The following ROR2 variants were observed in gnomAD, a reference collection of about 807,000 sequenced individuals.
ROR2 encodes tyrosine-protein kinase transmembrane receptor ROR2.
In ROR2, 33 loss-of-function variants were observed where a neutral mutation model predicts 74.9. The ratio of observed to expected loss-of-function variants is 0.44; its 90% CI spans 0.33 to 0.59. The LOEUF (loss-of-function observed/expected upper bound fraction) is 0.59, where lower values mean the gene tolerates loss of function less well. Among genes scored for constraint, ROR2 ranks in the 20% least tolerant of loss-of-function variants. ROR2 has a pLI of 0.02. For missense variants in ROR2, 1,216 were observed against 1,313.8 expected, an observed-to-expected ratio of 0.93 and a Z score of 1.15; for synonymous variants, 586 against 558.7, an observed-to-expected ratio of 1.05 and a Z score of -0.69.
At chr9:91,859,429 CT>C (rs1212952325) in intron 1 of ROR2, among the ~76,000 whole-genome samples, 1 of 152,098 alleles carries the variant, frequency 6.6e-6, no homozygotes, top group Non-Finnish European at 1.5e-5. Flanking sequence ...GAAAGTATTT[CT>C]CTTGTAGCCT....
Position 91,756,098 on chromosome 9 carries a change from G to A in ROR2, c.467C>T (p.Pro156Leu), listed in dbSNP as rs201461819. The A allele has an allele frequency of 1.2e-6, 2 of 1,613,828 alleles. No individual in the cohort carries two copies. The highest frequency in any genetic ancestry group is 2.2e-5 in the East Asian group (1 of 44,870). Reference protein sequence around the residue: ...ATGVLFVRLGPTHSPNHNFQD... With the variant: ...ATGVLFVRLGLTHSPNHNFQD... The stretch of plus-strand genomic sequence containing the variant: ...AAAGTTATGATTTGGGCTGTGCGTT[G>A]GACCTAAAAAGAGGAAACAAAAAGA... Residue 156 changes from proline to leucine, a missense_variant, in exon 4 of 9, where the codon CCA (proline) becomes CTA (leucine). Physicochemically the swap from Pro to Leu is moderately conservative, Grantham distance 98 (BLOSUM62 -3). Transcript: ENST00000375708.
At chr9:91,930,678 T>C (rs1831526709) in intron 1 of ROR2, among the ~76,000 whole-genome samples, 1 of 152,208 alleles carries the variant, frequency 6.6e-6, no homozygotes, top group East Asian at 1.9e-4. Flanking sequence ...GACAAATCAC[T>C]GTGTCAGGGG....
chr9:91,737,982 G>A (rs547665823), intron 4 of ROR2, among the ~76,000 whole-genome samples: 1 of 152,278 alleles, frequency 6.6e-6, no homozygotes, highest in Admixed American at 6.5e-5. Flanking sequence ...AATGTCAGTG[G>A]ATGCCAGGGG....
chr9:91,726,674 A>G lies in ROR2; in HGVS notation c.1253T>C (p.Ile418Thr). The G allele has an allele frequency of 6.2e-7, 1 of 1,613,992 alleles. No individual in the cohort carries two copies. The highest frequency in any genetic ancestry group is 8.5e-7 in the Non-Finnish European group (1 of 1,180,006). The change falls in exon 8 of 9, where the codon ATC becomes ACC. Residue 418 changes from isoleucine (I) to threonine (T), a missense_variant. Physicochemically the swap from Ile to Thr is moderately conservative, Grantham distance 89. Transcript: ENST00000375708. ...GCAAACCAAGAAGAAAAGGCAAGCG[A>G]TGACCAGTGGAATTGCGATGCTGGG... is the stretch of plus-strand genomic sequence containing the variant. ...LVPSIAIPLV[I>T]ACLFFLVCMC...
At chr9:91,862,620 C>A (rs1285799599) in intron 1 of ROR2, among the ~76,000 whole-genome samples, 4 of 152,092 alleles carry the variant, frequency 2.6e-5, no homozygotes, top group African/African-American at 9.7e-5. Context: ...CATGAACACA[C>A]CACCGCACTG....
intron 4 of ROR2, among the ~76,000 whole-genome samples, chr9:91,738,772 G>A (rs987600437): frequency 5.3e-5 from 8 of 152,192 alleles, no homozygotes; most frequent in African/African-American, 1.2e-4. Flanking sequence ...TGTCACAGGC[G>A]TAGGAGGTCA....
chr9:91,732,320 C>T (rs1048624701), intron 6 of ROR2, among the ~76,000 whole-genome samples: 1 of 152,186 alleles, frequency 6.6e-6, no homozygotes, highest in Admixed American at 6.5e-5. Context: ...CCATGGCCAC[C>T]CTGCTGGGGC....
At position 91,723,929 on chromosome 9, in the gene ROR2, C is replaced by T. The variant is rs140727324; in HGVS notation, c.2565G>A (p.Met855Ile). The change falls in exon 9 of 9, where the codon ATG becomes ATA. Residue 855 changes from methionine to isoleucine, a missense_variant. By Grantham distance (10) the Met-to-Ile change is conservative. Transcript: ENST00000375708. Reference protein sequence around the residue: ...QMAPQQVPPQMVPKPSSHHSG... With the variant: ...QMAPQQVPPQIVPKPSSHHSG... ...TGTGGTGTGAGCTGGGCTTGGGGAC[C>T]ATCTGAGGAGGCACCTGCTGCGGGG... 2 of 1,613,808 alleles carry T rather than the reference C, an allele frequency of 1.2e-6. No homozygotes were observed. Among genetic ancestry groups the T allele is most frequent in the Non-Finnish European group, 1.7e-6 (2 of 1,180,022 alleles).
intron 1 of ROR2, among the ~76,000 whole-genome samples, chr9:91,911,498 G>A (rs752869886): frequency 2.0e-5 from 3 of 149,412 alleles, no homozygotes; most frequent in Non-Finnish European, 3.0e-5. Flanking sequence ...GCTGTTGACC[G>A]AAACATTACG....
chr9:91,842,357 G>A (rs949911742), intron 1 of ROR2, among the ~76,000 whole-genome samples: 3 of 152,222 alleles, frequency 2.0e-5, no homozygotes, highest in African/African-American at 4.8e-5. Flanking sequence ...TGCCATGCAT[G>A]TGTTATCTCC....
chr9:91,839,864 T>G (rs1432467936), intron 1 of ROR2, among the ~76,000 whole-genome samples: 3 of 151,956 alleles, frequency 2.0e-5, no homozygotes, highest in Non-Finnish European at 4.4e-5. Context: ...TTAATACAAT[T>G]CCCCTTCTCA....
chr9:91,891,799 G>A (rs1043060717), intron 1 of ROR2, among the ~76,000 whole-genome samples: 2 of 151,950 alleles, frequency 1.3e-5, no homozygotes, highest in African/African-American at 4.8e-5. Context: ...CGTAATCCCA[G>A]CACTTTAGGA....
intron 1 of ROR2, among the ~76,000 whole-genome samples, chr9:91,818,424 C>T (rs1828015554): frequency 6.6e-6 from 1 of 151,932 alleles, no homozygotes; most frequent in Non-Finnish European, 1.5e-5. Flanking sequence ...CCCTGTACTC[C>T]ACCACAACCA....
At chr9:91,921,851 C>T (rs548979856) in intron 1 of ROR2, among the ~76,000 whole-genome samples, 2 of 122,942 alleles carry the variant, frequency 1.6e-5, no homozygotes, top group East Asian at 4.8e-4. Flanking sequence ...ACAGAGACTC[C>T]GTCTCAAAAA....
intron 1 of ROR2, among the ~76,000 whole-genome samples, chr9:91,857,637 A>T (rs1024638981): frequency 5.9e-5 from 9 of 152,044 alleles, no homozygotes; most frequent in Non-Finnish European, 1.2e-4. Flanking sequence ...ACCCAGGACG[A>T]GGGGGTGGCA....
intron 8 of ROR2, 103 bp from the exon 9 acceptor site, chr9:91,725,210 AG>A (rs200236339): frequency 3.8e-6 from 6 of 1,590,632 alleles, no homozygotes; most frequent in Non-Finnish European, 5.1e-6. Context: ...GGCCACGACT[AG>A]GGGGGCCTTG....
chr9:91,770,050 G>A (rs745651200), intron 2 of ROR2, among the ~76,000 whole-genome samples: 5 of 152,202 alleles, frequency 3.3e-5, no homozygotes, highest in African/African-American at 7.2e-5. Flanking sequence ...CTGCTGCACC[G>A]TACTCTTCAC....
At chr9:91,838,028 T>G (rs1828665413) in intron 1 of ROR2, among the ~76,000 whole-genome samples, 1 of 152,214 alleles carries the variant, frequency 6.6e-6, no homozygotes, top group Non-Finnish European at 1.5e-5. Flanking sequence ...ACTAGTTTCA[T>G]TTTTGCATGT....
chr9:91,831,552 G>T (rs1244231001), intron 1 of ROR2, among the ~76,000 whole-genome samples: 1 of 152,080 alleles, frequency 6.6e-6, no homozygotes, highest in Non-Finnish European at 1.5e-5. Flanking sequence ...GAGGTGGGTG[G>T]ATCACATAAG....
Sources: allele counts gnomAD v4.1 joint callset (sites outside exome capture counted in the v4.1 genomes callset), GRCh38; gene constraint gnomAD v4.1.1; transcripts MANE v1.5; gene names NCBI Gene and HGNC (gene_info 2026-07-23, HGNC 2026-07-21).